The following ZNF600 variants were observed in gnomAD, a reference collection of about 807,000 sequenced individuals.
ZNF600 encodes the protein zinc finger protein KR-ZNF1.
A neutral mutation model predicts 7.3 loss-of-function variants in ZNF600; 4 were observed. The observed-to-expected ratio is 0.55, with a 90% CI of 0.27 to 1.25. The LOEUF (loss-of-function observed/expected upper bound fraction) is 1.25. ZNF600 is among the 50% of genes most tolerant of loss of function. ZNF600 has a pLI of 0.12. For missense variants in ZNF600, 911 were observed against 922.1 expected, an observed-to-expected ratio of 0.99 and a Z score of 0.16; for synonymous variants, 290 against 308.9, an observed-to-expected ratio of 0.94 and a Z score of 0.64.
chr19:52,784,041 C>T (rs1169877563), intron 1 of ZNF600, among the ~76,000 whole-genome samples: 1 of 152,008 alleles, frequency 6.6e-6, no homozygotes. Flanking sequence ...TGCCAGTGCA[C>T]TCCAGCTTGG....
At chr19:52,767,827 C>A in intron 3 of ZNF600, 55 bp from the exon 6 acceptor site, 1 of 1,506,716 alleles carries the variant, frequency 6.6e-7, no homozygotes, top group Non-Finnish European at 8.8e-7. Context: ...GTAAATCATA[C>A]TGAAGTGTGT....
chr19:52,801,641 C>T, the ZNF600 span: 420 of 1,613,708 alleles, frequency 2.6e-4, 1 homozygote, highest in African/African-American at 3.9e-3. Flanking sequence ...CTGTGTGGAA[C>T]GCTTCTGTAT....
chr19:52,802,993 C>T, the ZNF600 span, among the ~76,000 whole-genome samples: 2 of 152,058 alleles, frequency 1.3e-5, no homozygotes, highest in Non-Finnish European at 1.5e-5. Flanking sequence ...GATCTCCTGA[C>T]CTTGTGATCC....
chr19:52,812,787 A>AAAAAG, the ZNF600 span, among the ~76,000 whole-genome samples: 465 of 130,800 alleles, frequency 3.6e-3, 4 homozygotes, highest in African/African-American at 0.012. Flanking sequence ...AAAAAAAAAA[A>AAAAAG]GTTTTAAGTG....
At chr19:52,810,776 AACC>A in the ZNF600 span, 14 of 529,410 alleles carry the variant, frequency 2.6e-5, no homozygotes, top group African/African-American at 5.4e-5. Flanking sequence ...AATAAAAAAA[AACC>A]CAAAAAAAAC....
chr19:52,795,918 T>C, the ZNF600 span, among the ~76,000 whole-genome samples: 128 of 150,758 alleles, frequency 8.5e-4, no homozygotes, highest in African/African-American at 3.1e-3. Context: ...CTCATGACTG[T>C]AATCCCAGCA....
exon 3 of ZNF600, chr19:52,774,636 A>G (rs2062658434): frequency 1.0e-6 from 1 of 985,302 alleles, no homozygotes; most frequent in African/African-American, 1.7e-5. Context: ...CCCTCTGCGA[A>G]GGGTTCAGGC....
At chr19:52,778,323 TAA>T (rs531923267) in intron 2 of ZNF600, among the ~76,000 whole-genome samples, 11 of 145,024 alleles carry the variant, frequency 7.6e-5, no homozygotes, top group South Asian at 4.3e-4. Context: ...TCCTGTCTCT[TAA>T]AAAAAAAAAA....
the ZNF600 span, among the ~76,000 whole-genome samples, chr19:52,794,771 C>T: frequency 3.9e-5 from 6 of 152,152 alleles, no homozygotes; most frequent in South Asian, 2.1e-4. Context: ...GGGTGGATCA[C>T]TGGGCCTGGG....
intron 3 of ZNF600, 63 bp from the exon 6 acceptor site, chr19:52,767,835 T>C: frequency 6.8e-7 from 1 of 1,480,964 alleles, no homozygotes; most frequent in African/African-American, 1.4e-5. Flanking sequence ...TACTGAAGTG[T>C]GTAAATATGA....
At chr19:52,781,275 G>T (rs997707609) in intron 1 of ZNF600, 42 bp downstream of exon 2, 2 of 151,848 alleles carry the variant, frequency 1.3e-5, no homozygotes, top group African/African-American at 4.8e-5. Flanking sequence ...TCATTTCAGG[G>T]GTCAGTGTCA....
At chr19:52,774,390 T>C (rs1444383175) in intron 3 of ZNF600, among the ~76,000 whole-genome samples, 185 bp downstream of exon 5, 10 of 150,932 alleles carry the variant, frequency 6.6e-5, no homozygotes, top group Admixed American at 6.6e-4. Context: ...GATCATACCA[T>C]TGCTCTCCAG....
intron 1 of ZNF600, among the ~76,000 whole-genome samples, chr19:52,782,656 G>A (rs1015960187): frequency 2.0e-5 from 3 of 152,210 alleles, no homozygotes; most frequent in South Asian, 2.1e-4. Flanking sequence ...GGTGGATTAC[G>A]AGGTCATGAA....
At chr19:52,768,818 AAG>A (rs2147496670) in intron 3 of ZNF600, among the ~76,000 whole-genome samples, 1 of 152,290 alleles carries the variant, frequency 6.6e-6, no homozygotes, top group African/African-American at 2.4e-5. Flanking sequence ...ATAAAATAAC[AAG>A]AGTTATACTA....
the ZNF600 span, among the ~76,000 whole-genome samples, chr19:52,818,330 T>C: frequency 6.6e-6 from 1 of 152,196 alleles, no homozygotes; most frequent in East Asian, 1.9e-4. Flanking sequence ...TGGTCCCAGC[T>C]ACTTAGGAAG....
At chr19:52,826,655 G>A in the ZNF600 span, among the ~76,000 whole-genome samples, 2 of 151,988 alleles carry the variant, frequency 1.3e-5, no homozygotes, top group East Asian at 1.9e-4. Flanking sequence ...GCAGTGAGCC[G>A]AGACCACACC....
At chr19:52,799,160 A>G in the ZNF600 span, 2 of 405,430 alleles carry the variant, frequency 4.9e-6, no homozygotes, top group Non-Finnish European at 9.6e-6. Context: ...GTTGATTAAA[A>G]ACTATGCCAC....
chr19:52,808,645 A>T, the ZNF600 span, among the ~76,000 whole-genome samples: 15 of 142,560 alleles, frequency 1.1e-4, no homozygotes, highest in African/African-American at 3.8e-4. Context: ...AAAAAAAATT[A>T]AAAAAAAAAA....
the ZNF600 span, among the ~76,000 whole-genome samples, chr19:52,831,007 C>T: frequency 1.3e-5 from 2 of 151,596 alleles, no homozygotes; most frequent in Non-Finnish European, 1.5e-5. Flanking sequence ...CAAGAATGAA[C>T]GAGATCCAAA....
Sources: allele counts gnomAD v4.1 joint callset (sites outside exome capture counted in the v4.1 genomes callset), GRCh38; gene constraint gnomAD v4.1.1; transcripts MANE v1.5; gene names NCBI Gene and HGNC (gene_info 2026-07-23, HGNC 2026-07-21).